SELENOI: variants seen among roughly 807,000 people sequenced by gnomAD.
SELENOI encodes the protein selenoprotein I, also known as ethanolaminephosphotransferase 1.
Under a neutral mutation model 50.7 loss-of-function variants are expected in SELENOI, and 24 were observed. The ratio of observed to expected loss-of-function variants is 0.47; its 90% CI spans 0.34 to 0.67. SELENOI has a LOEUF of 0.67. Ranked by LOEUF, SELENOI falls within the 30% of genes least tolerant of loss-of-function variation. The probability of loss-of-function intolerance (pLI) is 0.01; values close to 1 mark genes in which losing one functional copy is unlikely to be tolerated. For synonymous variants in SELENOI, 155 were observed against 170.2 expected (o/e 0.91, Z 0.70); for missense variants, 352 against 461.4 (o/e 0.76, Z 2.17).
intron 9 of SELENOI, 75 bp from the exon 10 acceptor site, chr2:26,388,930 G>A: frequency 8.9e-7 from 1 of 1,120,248 alleles, no homozygotes; most frequent in East Asian, 2.6e-5. Flanking sequence ...TTATCTCTAG[G>A]GGGTAAATTC....
At chr2:26,375,973 G>A (rs541222910) in intron 6 of SELENOI, among the ~76,000 whole-genome samples, 6 of 151,630 alleles carry the variant, frequency 4.0e-5, no homozygotes, top group African/African-American at 7.3e-5. Context: ...GGTGTGGTGC[G>A]TGCACCTGTA....
chr2:26,380,955 C>T (rs1677680069), intron 6 of SELENOI, among the ~76,000 whole-genome samples: 1 of 151,348 alleles, frequency 6.6e-6, no homozygotes, highest in Non-Finnish European at 1.5e-5. Flanking sequence ...ATTTTTTTTT[C>T]TATAGGGTTG....
At chr2:26,364,780 T>C in intron 2 of SELENOI, 52 bp from the exon 3 acceptor site, 2 of 1,316,046 alleles carry the variant, frequency 1.5e-6, no homozygotes, top group East Asian at 2.5e-5. Context: ...TAGTATACAT[T>C]GGACAGAGAT....
rs1308003080 is a variant in SELENOI, at chr2:26,371,874, G to C, written c.311-1493G>C. 2.0e-5 allele frequency among the ~76,000 whole-genome samples: 3 copies of C among 149,880 alleles called. No homozygotes were observed. In the South Asian group the frequency reaches 6.2e-4, roughly 31 times the overall value. On this transcript the variant is annotated intron_variant, in intron 4 of 9. Transcript: ENST00000260585. ...TGGGGAGAGGGAAACCATGGGGAGA[G>C]GGAGACCATGGGGAGAGGGAGAGGG...
intron 1 of SELENOI, among the ~76,000 whole-genome samples, chr2:26,361,658 T>A (rs1677181144): frequency 7.3e-6 from 1 of 137,050 alleles, no homozygotes; most frequent in Admixed American, 7.1e-5. Context: ...TCATCATTTC[T>A]TTTTTTTTTT....
At position 26,364,283 on chromosome 2, in the gene SELENOI, T is replaced by A. The variant is rs1380923655; in HGVS notation, c.58-19T>A. The A allele has an allele frequency of 6.6e-7, 1 of 1,517,204 alleles. No individual in the cohort carries two copies. Among genetic ancestry groups the A allele is most frequent in the Non-Finnish European group, 9.0e-7 (1 of 1,115,866 alleles). 94.0% of individuals were successfully genotyped at this position (1,517,204 alleles called of 1,614,324 possible). ...TAGGCAAGGATTTACTCTGAATATT[T>A]TCTTTCATTTCTTAACAGTACAGTG... is the stretch of plus-strand genomic sequence containing the variant. On this transcript the variant is annotated intron_variant, in intron 1 of 9. Coordinates refer to ENST00000260585, the MANE Select transcript of SELENOI (RefSeq NM_033505.4).
intron 4 of SELENOI, among the ~76,000 whole-genome samples, chr2:26,368,127 A>T (rs1677330762): frequency 6.6e-6 from 1 of 152,204 alleles, no homozygotes; most frequent in East Asian, 1.9e-4. Context: ...TGTTCTCATA[A>T]AACCAGCATA....
chr2:26,357,493 CA>C (rs1401204842), intron 1 of SELENOI, among the ~76,000 whole-genome samples: 1 of 152,182 alleles, frequency 6.6e-6, no homozygotes, highest in East Asian at 1.9e-4. Context: ...TTAATTCTCT[CA>C]TAGTTACGGA....
chr2:26,388,272 T>C (rs1378725316), intron 9 of SELENOI, among the ~76,000 whole-genome samples: 2 of 152,236 alleles, frequency 1.3e-5, no homozygotes, highest in African/African-American at 4.8e-5. Flanking sequence ...GAAGCATATC[T>C]TTAGAAAGCT....
At chr2:26,370,515 G>A (rs1260791198) in intron 4 of SELENOI, among the ~76,000 whole-genome samples, 2 of 146,642 alleles carry the variant, frequency 1.4e-5, no homozygotes, top group African/African-American at 5.0e-5. Flanking sequence ...CTCCCAGACG[G>A]GGCGGCTGGC....
intron 4 of SELENOI, among the ~76,000 whole-genome samples, chr2:26,372,405 C>G (rs751800331): frequency 2.6e-5 from 4 of 152,218 alleles, no homozygotes; most frequent in Non-Finnish European, 5.9e-5. Flanking sequence ...GCCACCACAC[C>G]CGGCCTGTTC....
intron 5 of SELENOI, 50 bp from the exon 6 acceptor site, chr2:26,374,990 C>CT (rs1264984123): frequency 2.3e-6 from 3 of 1,292,664 alleles, no homozygotes; most frequent in African/African-American, 2.9e-5. Context: ...GACTCCTGAT[C>CT]TTTCTAGCGT....
At chr2:26,382,156 G>A (rs1443753132) in intron 6 of SELENOI, among the ~76,000 whole-genome samples, 1 of 152,230 alleles carries the variant, frequency 6.6e-6, no homozygotes, top group African/African-American at 2.4e-5. Context: ...CAGATTATTA[G>A]AGTTTGTCCA....
intron 1 of SELENOI, among the ~76,000 whole-genome samples, chr2:26,362,252 G>A (rs182213795): frequency 6.6e-6 from 1 of 152,068 alleles, no homozygotes; most frequent in Admixed American, 6.5e-5. Context: ...TGTATTTTTA[G>A]TAGAGACGGG....
At position 26,386,615 on chromosome 2, in the gene SELENOI, C is replaced by A. The variant is rs963808307; in HGVS notation, c.1095+79C>A. Reference sequence around the variant, plus strand: ...TAAATGCCTCCGAGTAGAAAGGAGGCAATGGAAAATTTTAAAAAGAAAGTT... The same window carrying A: ...TAAATGCCTCCGAGTAGAAAGGAGGAAATGGAAAATTTTAAAAAGAAAGTT... On this transcript the variant is annotated intron_variant, in intron 9 of 9. Coordinates refer to ENST00000260585, the MANE Select transcript of SELENOI (RefSeq NM_033505.4). The A allele has an allele frequency of 4.4e-5, 55 of 1,238,214 alleles. No individual in the cohort carries two copies. The African/African-American group carries it at 6.7e-4, about 15-fold the overall frequency. The allele number at this position is 1,238,214 out of a possible 1,614,324, so 76.7% of individuals were successfully genotyped here.
chr2:26,357,002 CTT>C (rs1016159748), intron 1 of SELENOI, among the ~76,000 whole-genome samples: 18 of 152,138 alleles, frequency 1.2e-4, no homozygotes, highest in African/African-American at 3.6e-4. Flanking sequence ...TTTTCTCTCT[CTT>C]TTCCTTTTTA....
At chr2:26,346,354 G>C in intron 1 of SELENOI, 65 bp downstream of exon 1, 1 of 1,524,620 alleles carries the variant, frequency 6.6e-7, no homozygotes, top group East Asian at 2.4e-5. Context: ...TGAGGGGCCC[G>C]CGCGGCGCGG....
chr2:26,369,894 T>C (rs1194896999), intron 4 of SELENOI, among the ~76,000 whole-genome samples: 1 of 151,928 alleles, frequency 6.6e-6, no homozygotes, highest in Non-Finnish European at 1.5e-5. Flanking sequence ...CATTCTTGGG[T>C]GTTTCTCACA....
rs779954494 is a variant in SELENOI, at chr2:26,386,479, C to A, written c.1038C>A (p.Leu346=). The A allele has an allele frequency of 2.5e-6, 4 of 1,613,714 alleles. No individual in the cohort carries two copies. In the Admixed American group the frequency reaches 5.0e-5, roughly 20 times the overall value. ...LGVASYVESI[L]LYTLTTAFTL... ...TAGCCTCTTACGTTGAGAGCATTCT[C>A]CTGTATACATTAACAACTGCTTTTA... Residue 346 remains leucine, a synonymous_variant, in exon 9 of 10, where the codon CTC becomes CTA. Transcript: ENST00000260585.
Sources: allele counts gnomAD v4.1 joint callset (sites outside exome capture counted in the v4.1 genomes callset), GRCh38; gene constraint gnomAD v4.1.1; transcripts MANE v1.5; gene names NCBI Gene and HGNC (gene_info 2026-07-23, HGNC 2026-07-21).